RAB28: variants seen among roughly 807,000 people sequenced by gnomAD.
RAB28 encodes ras-related protein Rab-28.
A neutral mutation model predicts 31.7 loss-of-function variants in RAB28; 24 were observed. That is an observed-to-expected ratio of 0.76 (90% confidence interval 0.55 to 1.06). The LOEUF (loss-of-function observed/expected upper bound fraction) is 1.06, where lower values mean the gene tolerates loss of function less well. RAB28 is among the 50% of genes least tolerant of loss of function. RAB28 has a pLI of 0.00. For missense variants in RAB28, 254 were observed against 258.5 expected (o/e 0.98, Z 0.12); for synonymous variants, 100 against 90.4 (o/e 1.11, Z -0.60).
chr4:13,464,954 T>A (rs971120148), intron 3 of RAB28, among the ~76,000 whole-genome samples: 1 of 151,658 alleles, frequency 6.6e-6, no homozygotes, highest in Non-Finnish European at 1.5e-5. Flanking sequence ...ATAGGGATAA[T>A]AAAACAAGGG....
intron 3 of RAB28, 36 bp from the exon 4 acceptor site, chr4:13,460,864 T>C (rs1261261359): frequency 6.3e-7 from 1 of 1,584,022 alleles, no homozygotes; most frequent in African/African-American, 1.4e-5. Context: ...CTGTAATGTA[T>C]TATTTGGTGA....
chr4:13,422,703 G>A (rs901910991), intron 4 of RAB28, among the ~76,000 whole-genome samples: 2 of 151,316 alleles, frequency 1.3e-5, no homozygotes, highest in Admixed American at 1.3e-4. Flanking sequence ...TGAACAATGA[G>A]AACACTTGGA....
At chr4:13,470,800 T>C (rs974068747) in intron 3 of RAB28, among the ~76,000 whole-genome samples, 1 of 152,140 alleles carries the variant, frequency 6.6e-6, no homozygotes, top group Non-Finnish European at 1.5e-5. Flanking sequence ...TTTCAATTCT[T>C]AGAACTAGTT....
At chr4:13,479,851 T>C (rs1716532065) in intron 1 of RAB28, among the ~76,000 whole-genome samples, 1 of 151,676 alleles carries the variant, frequency 6.6e-6, no homozygotes, top group Admixed American at 6.6e-5. Flanking sequence ...AATAAAGATC[T>C]GAATTATTTT....
Position 13,484,072 on chromosome 4 carries a change from T to C in RAB28, c.75+4A>G, listed in dbSNP as rs756640993. ...TGGGACGGCGGGCCTGCTCGAGGAC[T>C]GACCTTCCCGGAGGCGCCGTCCCCC... On this transcript the variant is annotated splice_donor_region_variant and intron_variant, in intron 1 of 6. Coordinates refer to ENST00000330852, the MANE Select transcript of RAB28 (RefSeq NM_001017979.3). 1 of 1,593,844 alleles carries C rather than the reference T, an allele frequency of 6.3e-7. No homozygotes were observed. The highest frequency in any genetic ancestry group is 1.7e-5 in the Admixed American group (1 of 57,878).
chr4:13,414,007 T>C (rs1053330809), intron 4 of RAB28, among the ~76,000 whole-genome samples: 9 of 152,054 alleles, frequency 5.9e-5, no homozygotes, highest in African/African-American at 2.2e-4. Flanking sequence ...GACACATGGG[T>C]ATATGGTCAG....
chr4:13,451,755 T>C (rs1425134995), intron 4 of RAB28, among the ~76,000 whole-genome samples: 1 of 151,932 alleles, frequency 6.6e-6, no homozygotes, highest in African/African-American at 2.4e-5. Context: ...TTTATATTTA[T>C]TGTATTTGTA....
intron 4 of RAB28, among the ~76,000 whole-genome samples, chr4:13,398,317 T>C (rs1481533278): frequency 6.6e-6 from 1 of 152,206 alleles, no homozygotes; most frequent in African/African-American, 2.4e-5. Flanking sequence ...AATTTCAAAC[T>C]GGCACAGTGC....
At chr4:13,479,235 A>G (rs28522358) in intron 2 of RAB28, among the ~76,000 whole-genome samples, 195 bp downstream of exon 2, 2,552 of 151,652 alleles carry the variant, frequency 0.017, 70 homozygotes, top group African/African-American at 0.058. Flanking sequence ...AGAGTATATA[A>G]ACTTTTTCTT....
chr4:13,457,902 T>G (rs1715382653), intron 4 of RAB28, among the ~76,000 whole-genome samples: 1 of 152,164 alleles, frequency 6.6e-6, no homozygotes, highest in Non-Finnish European at 1.5e-5. Flanking sequence ...TTAAAACAAA[T>G]CATAACGCCT....
chr4:13,394,037 T>G (rs1729764657), intron 4 of RAB28, among the ~76,000 whole-genome samples: 1 of 152,094 alleles, frequency 6.6e-6, no homozygotes, highest in Non-Finnish European at 1.5e-5. Flanking sequence ...GTAGAAAGAA[T>G]AAGTGAGCAT....
At chr4:13,371,630 T>C in intron 6 of RAB28, 1 of 985,346 alleles carries the variant, frequency 1.0e-6, no homozygotes. Context: ...TTCCGAACTG[T>C]AAGCCATAAC....
At chr4:13,426,332 G>A (rs1272759085) in intron 4 of RAB28, among the ~76,000 whole-genome samples, 2 of 151,998 alleles carry the variant, frequency 1.3e-5, no homozygotes, top group Non-Finnish European at 2.9e-5. Flanking sequence ...TACTAATGAG[G>A]ATGCAACATC....
chr4:13,390,008 AT>A (rs1266174705), intron 4 of RAB28, among the ~76,000 whole-genome samples: 1 of 152,182 alleles, frequency 6.6e-6, no homozygotes, highest in Non-Finnish European at 1.5e-5. Flanking sequence ...CAAGACAAGG[AT>A]TCCTTTCTCA....
intron 4 of RAB28, among the ~76,000 whole-genome samples, chr4:13,452,920 T>A (rs1715050198): frequency 6.6e-6 from 1 of 152,080 alleles, no homozygotes. Context: ...ACCTTTAGAT[T>A]TAATAATATT....
chr4:13,477,660 G>C (rs1198740793), intron 2 of RAB28, among the ~76,000 whole-genome samples: 1 of 150,304 alleles, frequency 6.7e-6, no homozygotes, highest in African/African-American at 2.4e-5. Context: ...AAAAAAAATA[G>C]AAGTTTTTTT....
chr4:13,469,347 A>G (rs543391382), intron 3 of RAB28, among the ~76,000 whole-genome samples: 38 of 152,066 alleles, frequency 2.5e-4, no homozygotes, highest in African/African-American at 8.9e-4. Context: ...CTATGTCTTC[A>G]TGTCTTCATC....
intron 4 of RAB28, among the ~76,000 whole-genome samples, chr4:13,421,595 A>T (rs1422511057): frequency 1.3e-5 from 2 of 152,138 alleles, no homozygotes; most frequent in African/African-American, 4.8e-5. Flanking sequence ...CAGAAACAAC[A>T]CCACACATCT....
intron 4 of RAB28, among the ~76,000 whole-genome samples, chr4:13,442,491 A>T (rs1434980822): frequency 2.0e-5 from 3 of 152,086 alleles, no homozygotes; most frequent in Non-Finnish European, 4.4e-5. Context: ...TCCAAAAAAA[A>T]AAAACTTCTA....
Sources: gnomAD v4.1 joint callset for allele counts (sites outside exome capture counted in the v4.1 genomes callset) on GRCh38, gnomAD v4.1.1 for gene constraint, MANE v1.5 for transcripts, NCBI Gene and HGNC (gene_info 2026-07-23, HGNC 2026-07-21) for gene names.